The following ZC3H18 variants were observed in gnomAD, a reference collection of about 807,000 sequenced individuals.
ZC3H18 encodes zinc finger CCCH-type containing 18, also known as zinc finger CCCH domain-containing protein 18.
Under a neutral mutation model 106.1 loss-of-function variants are expected in ZC3H18, and 8 were observed. That is an observed-to-expected ratio of 0.08 (90% CI 0.04 to 0.14). The LOEUF is 0.14. Ranked by LOEUF, ZC3H18 falls within the 10% of genes least tolerant of loss-of-function variation. The probability of loss-of-function intolerance (pLI) is 1.00; values close to 1 mark genes in which losing one functional copy is unlikely to be tolerated. For missense variants in ZC3H18, 1,318 were observed against 1,278.4 expected, an observed-to-expected ratio of 1.03 and a Z score of -0.47; for synonymous variants, 635 against 522.1, an observed-to-expected ratio of 1.22 and a Z score of -2.95.
At chr16:88,576,854 G>C (rs559533439) in intron 1 of ZC3H18, among the ~76,000 whole-genome samples, 1 of 152,234 alleles carries the variant, frequency 6.6e-6, no homozygotes, top group African/African-American at 2.4e-5. Context: ...GCCAGGCTGC[G>C]TCTCCTTCTG....
chr16:88,594,853 A>T (rs531423396), intron 3 of ZC3H18, among the ~76,000 whole-genome samples: 1 of 152,234 alleles, frequency 6.6e-6, no homozygotes, highest in Non-Finnish European at 1.5e-5. Context: ...AAAGATTAAT[A>T]AGAGAATAAA....
intron 6 of ZC3H18, among the ~76,000 whole-genome samples, chr16:88,601,111 G>A (rs539351734): frequency 2.2e-4 from 34 of 152,376 alleles, no homozygotes; most frequent in East Asian, 1.3e-3. Context: ...TTCCGCCTGC[G>A]GAAGTTGGGG....
In ZC3H18 at chr16:88,614,782, G is replaced by C. The variant is rs188896416; in HGVS notation, c.1475+3246G>C. Among the ~76,000 whole-genome samples the C allele has an allele frequency of 5.4e-4, 83 of 152,336 alleles. 1 individual carries two copies. The highest frequency in any genetic ancestry group is 1.9e-3 in the African/African-American group (79 of 41,560). On this transcript the variant is annotated intron_variant, in intron 8 of 17. Transcript: ENST00000301011. ...TCAGCCTTTCAAGCCCTTTTGGATAGAAGCCCTTCCCCTACAGCACACACA... is the reference window on the plus strand; with the variant it reads ...TCAGCCTTTCAAGCCCTTTTGGATACAAGCCCTTCCCCTACAGCACACACA...
At chr16:88,628,879 C>T (rs1192029622) in intron 16 of ZC3H18, 25 bp downstream of exon 16, 6 of 1,612,390 alleles carry the variant, frequency 3.7e-6, no homozygotes, top group Non-Finnish European at 5.1e-6. Flanking sequence ...CCCTAGGGGG[C>T]AGGGCAGAGG....
intron 3 of ZC3H18, 80 bp from the exon 4 acceptor site, chr16:88,598,095 CCCT>C: frequency 1.2e-5 from 4 of 344,908 alleles, no homozygotes; most frequent in South Asian, 2.1e-5. Flanking sequence ...GGCCTCTGCC[CCCT>C]CCCACCCCCC....
chr16:88,599,759 C>G, intron 5 of ZC3H18, 32 bp from the exon 6 acceptor site: 1 of 1,595,292 alleles, frequency 6.3e-7, no homozygotes, highest in South Asian at 1.1e-5. Context: ...GTATTCTGTT[C>G]CATGTTGACT....
chr16:88,621,562 T>G (rs9936858), intron 8 of ZC3H18, among the ~76,000 whole-genome samples: 14,300 of 152,056 alleles, frequency 0.094, 757 homozygotes, highest in South Asian at 0.2. Flanking sequence ...TTCACCATGT[T>G]GGCCAGGCTG....
chr16:88,587,748 G>A, intron 3 of ZC3H18: 2 of 844,726 alleles, frequency 2.4e-6, no homozygotes, highest in South Asian at 3.4e-5. Flanking sequence ...GCAGAGAGCT[G>A]TTCGGAACCT....
intron 8 of ZC3H18, among the ~76,000 whole-genome samples, chr16:88,614,234 TGGCCACACTTGGAGG>T (rs1411278573): frequency 1.3e-5 from 2 of 152,248 alleles, no homozygotes; most frequent in African/African-American, 4.8e-5. Flanking sequence ...AGCCACACAG[TGGCCACACTTGGAGG>T]GGCCACAGTT....
At chr16:88,596,680 G>C (rs1398190255) in intron 3 of ZC3H18, among the ~76,000 whole-genome samples, 1 of 152,092 alleles carries the variant, frequency 6.6e-6, no homozygotes, top group African/African-American at 2.4e-5. Flanking sequence ...GTACAGAAAA[G>C]CTGTGGTTTC....
At chr16:88,590,971 CTT>C (rs71158738) in intron 3 of ZC3H18, among the ~76,000 whole-genome samples, 24,039 of 97,424 alleles carry the variant, frequency 0.25, 1,855 homozygotes, top group East Asian at 0.48. Context: ...TGGTGGAATA[CTT>C]TTTTTTTTTT....
chr16:88,603,258 A>C (rs1300734833), intron 6 of ZC3H18, among the ~76,000 whole-genome samples: 1 of 150,322 alleles, frequency 6.7e-6, no homozygotes, highest in Non-Finnish European at 1.5e-5. Flanking sequence ...GAGCCACCGC[A>C]CCTGGCCTGT....
chr16:88,622,616 G>A (rs1283024962), intron 9 of ZC3H18: 3 of 520,024 alleles, frequency 5.8e-6, no homozygotes, highest in South Asian at 2.7e-5. Flanking sequence ...AGACCCCGGC[G>A]ACTGAGCCTG....
chr16:88,607,740 G>A (rs1905082573), intron 6 of ZC3H18, among the ~76,000 whole-genome samples: 2 of 150,768 alleles, frequency 1.3e-5, no homozygotes, highest in African/African-American at 2.5e-5. Flanking sequence ...TGTCTCTCAG[G>A]CATCTCCCCA....
intron 3 of ZC3H18, among the ~76,000 whole-genome samples, chr16:88,596,123 G>C (rs985885860): frequency 6.6e-6 from 1 of 152,170 alleles, no homozygotes; most frequent in South Asian, 2.1e-4. Flanking sequence ...TCACCCACTA[G>C]TGTCTGGTCT....
chr16:88,616,996 C>T (rs114203452), intron 8 of ZC3H18, among the ~76,000 whole-genome samples: 1,834 of 152,208 alleles, frequency 0.012, 40 homozygotes, highest in African/African-American at 0.042. Flanking sequence ...GCGGGAGGAG[C>T]GAGAGTCGGC....
In ZC3H18 at chr16:88,611,439, C is replaced by A; in HGVS notation, c.1378C>A (p.Arg460=). 1.3e-6 allele frequency: 2 copies of A among 1,501,742 alleles called. No homozygotes were observed. Among genetic ancestry groups the A allele is most frequent in the Non-Finnish European group, 1.8e-6 (2 of 1,101,630 alleles). 93.0% of individuals were successfully genotyped at this position (1,501,742 alleles called of 1,614,324 possible). Residue 460 remains arginine, a synonymous_variant, in exon 8 of 18, where the codon CGG becomes AGG. Coordinates refer to ENST00000301011, the MANE Select transcript of ZC3H18 (RefSeq NM_144604.4). ...KEEWERERAK[R]DEKDRQHRDR... is the part of the protein sequence containing the mutation. Reference sequence around the variant, plus strand: ...GGAGTGGGAGCGTGAGCGAGCCAAGCGGGACGAGAAGGACCGGCAGCACCG... The same window carrying A: ...GGAGTGGGAGCGTGAGCGAGCCAAGAGGGACGAGAAGGACCGGCAGCACCG...
At chr16:88,595,790 A>G (rs962925161) in intron 3 of ZC3H18, among the ~76,000 whole-genome samples, 2 of 141,890 alleles carry the variant, frequency 1.4e-5, no homozygotes, top group African/African-American at 2.6e-5. Flanking sequence ...TGGGCAACAG[A>G]GCGAGACTCC....
chr16:88,625,309 CG>C, intron 13 of ZC3H18, 42 bp downstream of exon 13: 1 of 1,556,816 alleles, frequency 6.4e-7, no homozygotes, highest in South Asian at 1.2e-5. Flanking sequence ...CCCTCCCCGT[CG>C]GGGCCAGGAA....
Sources: allele counts gnomAD v4.1 joint callset (sites outside exome capture counted in the v4.1 genomes callset), GRCh38; gene constraint gnomAD v4.1.1; transcripts MANE v1.5; gene names NCBI Gene and HGNC (gene_info 2026-07-23, HGNC 2026-07-21).